The following ROR1 variants were observed in gnomAD, a reference collection of about 807,000 sequenced individuals.
ROR1 encodes inactive tyrosine-protein kinase transmembrane receptor ROR1.
ROR1 carries 19 observed loss-of-function variants against 78.8 expected under a neutral mutation model. The ratio of observed to expected loss-of-function variants is 0.24; its 90% confidence interval spans 0.17 to 0.35. The LOEUF (loss-of-function observed/expected upper bound fraction) is 0.35. ROR1 is among the 10% of genes least tolerant of loss of function. ROR1 has a pLI of 1.00. For synonymous variants in ROR1, 386 were observed against 433.6 expected (o/e 0.89, Z 1.36); for missense variants, 917 against 1,177.8 (o/e 0.78, Z 3.24).
chr1:63,806,378 C>T (rs1257684460), intron 1 of ROR1, among the ~76,000 whole-genome samples: 2 of 147,504 alleles, frequency 1.4e-5, no homozygotes, highest in Non-Finnish European at 3.0e-5. Context: ...AGTGCAGTGG[C>T]ACAATCCCAG....
chr1:64,015,671 T>G (rs955088812), intron 2 of ROR1, among the ~76,000 whole-genome samples: 2 of 152,138 alleles, frequency 1.3e-5, no homozygotes, highest in Admixed American at 1.3e-4. Context: ...AAGGATAGAC[T>G]GGATCTTGCC....
At chr1:64,088,909 C>A (rs928087188) in intron 4 of ROR1, among the ~76,000 whole-genome samples, 1 of 152,096 alleles carries the variant, frequency 6.6e-6, no homozygotes, top group African/African-American at 2.4e-5. Flanking sequence ...TTCTGCAGAA[C>A]TGAGAAAGTA....
chr1:63,989,174 T>G (rs980709204), intron 1 of ROR1, among the ~76,000 whole-genome samples: 5 of 151,500 alleles, frequency 3.3e-5, no homozygotes, highest in Non-Finnish European at 5.9e-5. Flanking sequence ...TTTTGTTTTT[T>G]TTTTTTTTTA....
chr1:64,014,738 CA>C (rs1646504415), intron 2 of ROR1, among the ~76,000 whole-genome samples: 1 of 9,074 alleles, frequency 1.1e-4, no homozygotes, highest in African/African-American at 2.6e-4. Context: ...CACATACGCA[CA>C]CTATATATAT....
chr1:63,876,794 G>A (rs552627766), intron 1 of ROR1, among the ~76,000 whole-genome samples: 30 of 151,714 alleles, frequency 2.0e-4, no homozygotes, highest in African/African-American at 6.8e-4. Flanking sequence ...ACAGCAATGA[G>A]GTTGCACTAC....
At chr1:63,836,681 C>T (rs556088702) in intron 1 of ROR1, among the ~76,000 whole-genome samples, 2 of 152,186 alleles carry the variant, frequency 1.3e-5, no homozygotes, top group African/African-American at 4.8e-5. Flanking sequence ...TTCTTAAAAT[C>T]ACCAATGCCT....
chr1:63,956,784 A>G (rs1249448255), intron 1 of ROR1, among the ~76,000 whole-genome samples: 1 of 152,226 alleles, frequency 6.6e-6, no homozygotes, highest in African/African-American at 2.4e-5. Flanking sequence ...GTATAAAGAA[A>G]TAAGTCTTCT....
chr1:63,843,186 C>CCGGCT lies in ROR1; in HGVS notation c.91+68680_91+68684dup, dbSNP rs1282519865. The stretch of plus-strand genomic sequence containing the variant: ...AGATGCTCCAGGCAGGTGGCCAGAA[C>CCGGCT]CGGCTCACAAAGGCTTGTCCTCTAG... On this transcript the variant is annotated intron_variant, in intron 1 of 8. Coordinates refer to ENST00000371079, the MANE Select transcript of ROR1 (RefSeq NM_005012.4). 2.3e-6 allele frequency: 3 copies of CCGGCT among 1,313,954 alleles called. No individual in the cohort carries two copies. In the Admixed American group the frequency reaches 5.2e-5, roughly 23 times the overall value. 81.4% of individuals were successfully genotyped at this position (1,313,954 alleles called of 1,614,324 possible).
chr1:63,970,961 G>A (rs1246207660), intron 1 of ROR1, among the ~76,000 whole-genome samples: 1 of 152,170 alleles, frequency 6.6e-6, no homozygotes, highest in East Asian at 1.9e-4. Context: ...TTCTCTGGTT[G>A]TCAAAAGCAA....
At chr1:63,852,167 C>G (rs1645118116) in intron 1 of ROR1, among the ~76,000 whole-genome samples, 2 of 152,226 alleles carry the variant, frequency 1.3e-5, no homozygotes, top group Admixed American at 6.5e-5. Context: ...AATAACTGTA[C>G]TGACTGACAG....
chr1:63,938,896 G>A (rs1645814716), intron 1 of ROR1, among the ~76,000 whole-genome samples: 1 of 152,148 alleles, frequency 6.6e-6, no homozygotes, highest in African/African-American at 2.4e-5. Flanking sequence ...TACTTGGGAG[G>A]CTGAGGTGAG....
chr1:63,843,691 C>T, intron 1 of ROR1: 1 of 527,248 alleles, frequency 1.9e-6, no homozygotes, highest in Non-Finnish European at 3.7e-6. Context: ...GGCCATGTTT[C>T]CAGAAGTGAA....
intron 1 of ROR1, among the ~76,000 whole-genome samples, chr1:63,915,856 T>C (rs1406681487): frequency 6.6e-6 from 1 of 152,080 alleles, no homozygotes; most frequent in African/African-American, 2.4e-5. Flanking sequence ...TTGTAATGGA[T>C]GCATCAGTCC....
At chr1:63,940,855 G>A (rs900263865) in intron 1 of ROR1, among the ~76,000 whole-genome samples, 1 of 152,208 alleles carries the variant, frequency 6.6e-6, no homozygotes, top group African/African-American at 2.4e-5. Flanking sequence ...TGAATGAGAA[G>A]CAGATGGACA....
chr1:63,856,898 C>T (rs1304683549), intron 1 of ROR1, among the ~76,000 whole-genome samples: 1 of 152,142 alleles, frequency 6.6e-6, no homozygotes, highest in East Asian at 1.9e-4. Context: ...TTTCTCTGGT[C>T]TCTCATCATA....
rs189562379 is a variant in ROR1 at position 63,865,107 on chromosome 1, C to T, written c.91+90599C>T. On this transcript the variant is annotated intron_variant, in intron 1 of 8. Transcript: ENST00000371079. ...ACACAAACATACATATACATTTTTC[C>T]CCAGGCAATTTAGCTTCATAGAAAT... Among the ~76,000 whole-genome samples the T allele has an allele frequency of 3.6e-3, 548 of 152,140 alleles. 2 individuals are homozygous for T. Among genetic ancestry groups the T allele is most frequent in the African/African-American group, 0.013 (528 of 41,508 alleles).
chr1:63,953,137 A>G (rs1161217732), intron 1 of ROR1, among the ~76,000 whole-genome samples: 1 of 152,182 alleles, frequency 6.6e-6, no homozygotes, highest in East Asian at 1.9e-4. Context: ...GCAATTGTTT[A>G]TGAATACTCC....
At chr1:63,852,986 T>G (rs937903983) in intron 1 of ROR1, among the ~76,000 whole-genome samples, 2 of 152,132 alleles carry the variant, frequency 1.3e-5, no homozygotes, top group Non-Finnish European at 2.9e-5. Flanking sequence ...TAAGTAAGAT[T>G]TAAACTTAGG....
At chr1:63,829,138 G>A (rs370693947) in intron 1 of ROR1, among the ~76,000 whole-genome samples, 4 of 152,158 alleles carry the variant, frequency 2.6e-5, no homozygotes, top group East Asian at 3.9e-4. Flanking sequence ...TGGATGTTCC[G>A]CCACGTACTG....
Sources: allele counts gnomAD v4.1 joint callset (sites outside exome capture counted in the v4.1 genomes callset), GRCh38; gene constraint gnomAD v4.1.1; transcripts MANE v1.5; gene names NCBI Gene and HGNC (gene_info 2026-07-23, HGNC 2026-07-21).